SPPL3: variants seen among roughly 807,000 people sequenced by gnomAD.
SPPL3 encodes the protein signal peptide peptidase-like 3.
SPPL3 carries 5 observed loss-of-function variants against 42.4 expected under a neutral mutation model. The observed-to-expected ratio is 0.12, with a 90% CI of 0.06 to 0.25. The LOEUF is 0.25. Ranked by LOEUF, SPPL3 falls within the 10% of genes least tolerant of loss-of-function variation. SPPL3 has a pLI of 1.00. For missense variants in SPPL3, 235 were observed against 489.0 expected, an observed-to-expected ratio of 0.48 and a Z score of 4.90; for synonymous variants, 195 against 181.8, an observed-to-expected ratio of 1.07 and a Z score of -0.58.
chr12:120,771,927 G>A (rs1348761642), intron 6 of SPPL3, among the ~76,000 whole-genome samples: 1 of 152,174 alleles, frequency 6.6e-6, no homozygotes, highest in Non-Finnish European at 1.5e-5. Context: ...CCTGCCCCCG[G>A]CTCCTTCATA....
At chr12:120,768,915 C>T in intron 7 of SPPL3, 38 bp downstream of exon 7, 1 of 1,544,250 alleles carries the variant, frequency 6.5e-7, no homozygotes, top group Non-Finnish European at 8.8e-7. Context: ...CACTTCAACA[C>T]AAAGAAGGGG....
At chr12:120,780,467 T>C (rs1187137997) in intron 6 of SPPL3, among the ~76,000 whole-genome samples, 2 of 147,750 alleles carry the variant, frequency 1.4e-5, no homozygotes, top group Non-Finnish European at 3.0e-5. Context: ...CAAAAAAAGC[T>C]GGGGGAGGCC....
chr12:120,834,838 T>C (rs1239643536), intron 1 of SPPL3, among the ~76,000 whole-genome samples: 1 of 152,190 alleles, frequency 6.6e-6, no homozygotes, highest in African/African-American at 2.4e-5. Flanking sequence ...AACTATACAA[T>C]AATTAATCTT....
At chr12:120,849,222 TA>T (rs1213232599) in intron 1 of SPPL3, among the ~76,000 whole-genome samples, 1 of 151,962 alleles carries the variant, frequency 6.6e-6, no homozygotes, top group Non-Finnish European at 1.5e-5. Flanking sequence ...AAAGTAAAAC[TA>T]AACCTAAACT....
intron 3 of SPPL3, among the ~76,000 whole-genome samples, chr12:120,789,631 C>A (rs1180809896): frequency 6.6e-6 from 1 of 151,052 alleles, no homozygotes; most frequent in Non-Finnish European, 1.5e-5. Context: ...TTGAGACCAG[C>A]CTGGCCAACA....
intron 3 of SPPL3, among the ~76,000 whole-genome samples, chr12:120,789,101 C>A (rs1297486907): frequency 6.6e-6 from 1 of 152,212 alleles, no homozygotes; most frequent in African/African-American, 2.4e-5. Flanking sequence ...CTGCTCAGAG[C>A]AGGCACTGAA....
chr12:120,824,071 G>A lies in SPPL3; in HGVS notation c.24-13185C>T, dbSNP rs190337012. 5.9e-5 allele frequency among the ~76,000 whole-genome samples: 9 copies of A among 151,904 alleles called. No individual in the cohort carries two copies. In the East Asian group the frequency reaches 1.4e-3, roughly 23 times the overall value. On this transcript the variant is annotated intron_variant, in intron 1 of 10. Coordinates refer to ENST00000353487, the MANE Select transcript of SPPL3 (RefSeq NM_139015.5). ...ATTTTTAGTAGAGATGGGGTTTCAC[G>A]GTGTTAGCCAGGATGGTCTCGATCT...
intron 1 of SPPL3, among the ~76,000 whole-genome samples, chr12:120,869,365 C>A (rs1180111162): frequency 3.9e-5 from 6 of 152,186 alleles, no homozygotes; most frequent in Admixed American, 3.9e-4. Flanking sequence ...TGTAGTTTAT[C>A]ATGTAAAAAA....
chr12:120,892,443 A>C (rs1404249911), intron 1 of SPPL3, among the ~76,000 whole-genome samples: 7 of 152,148 alleles, frequency 4.6e-5, no homozygotes, highest in Non-Finnish European at 1.0e-4. Flanking sequence ...TTGCAGTCAG[A>C]CCTTGAAAAA....
In SPPL3 at chr12:120,790,869, C is replaced by T. The variant is rs548294958; in HGVS notation, c.190+600G>A. The stretch of plus-strand genomic sequence containing the variant: ...CGGAGTTTCGCTCTTGTTGCCCAGG[C>T]TGGAGTGCAATGGCACGATCTCGGC... On this transcript the variant is annotated intron_variant, in intron 3 of 10. Coordinates refer to ENST00000353487, the MANE Select transcript of SPPL3 (RefSeq NM_139015.5). Among the ~76,000 whole-genome samples, 7 of 151,070 alleles carry T rather than the reference C, an allele frequency of 4.6e-5. No individual in the cohort carries two copies. The South Asian group carries it at 1.5e-3, about 31-fold the overall frequency.
At chr12:120,898,980 C>T (rs1873890990) in intron 1 of SPPL3, among the ~76,000 whole-genome samples, 1 of 152,174 alleles carries the variant, frequency 6.6e-6, no homozygotes, top group African/African-American at 2.4e-5. Flanking sequence ...CCACATTTTG[C>T]TTCATCAAGA....
intron 1 of SPPL3, among the ~76,000 whole-genome samples, chr12:120,847,255 G>T (rs1273820807): frequency 6.6e-6 from 1 of 151,892 alleles, no homozygotes; most frequent in African/African-American, 2.4e-5. Context: ...CGTCTCTTTG[G>T]GGAAGGTGGA....
chr12:120,820,694 C>T (rs201917489), intron 1 of SPPL3, among the ~76,000 whole-genome samples: 1 of 151,896 alleles, frequency 6.6e-6, no homozygotes, highest in Admixed American at 6.6e-5. Flanking sequence ...AAGGAAAAAA[C>T]CAAATATGTA....
chr12:120,778,033 T>G (rs1316780357), intron 6 of SPPL3, among the ~76,000 whole-genome samples: 8 of 151,438 alleles, frequency 5.3e-5, no homozygotes, highest in African/African-American at 1.9e-4. Flanking sequence ...ATTGAATAAC[T>G]ACTATGAAAA....
intron 6 of SPPL3, among the ~76,000 whole-genome samples, chr12:120,777,639 A>G (rs953209205): frequency 3.9e-5 from 6 of 152,162 alleles, no homozygotes; most frequent in Non-Finnish European, 4.4e-5. Flanking sequence ...TATTACTTTG[A>G]ATGCAATGTC....
chr12:120,882,084 G>A (rs1873303365), intron 1 of SPPL3, among the ~76,000 whole-genome samples: 2 of 152,060 alleles, frequency 1.3e-5, no homozygotes, highest in African/African-American at 4.8e-5. Context: ...GAAGTCTCAT[G>A]CCATCCTGCT....
intron 2 of SPPL3, among the ~76,000 whole-genome samples, chr12:120,801,543 C>A (rs1870296587): frequency 6.6e-6 from 1 of 152,100 alleles, no homozygotes; most frequent in Admixed American, 6.6e-5. Context: ...TCAGGGGGCA[C>A]AGAGGAAGTT....
At chr12:120,782,551 TA>T in intron 6 of SPPL3, 103 bp downstream of exon 6, 1 of 912,440 alleles carries the variant, frequency 1.1e-6, no homozygotes, top group Non-Finnish European at 1.6e-6. Flanking sequence ...GAAAATGCTC[TA>T]AAAGTTTATT....
chr12:120,889,073 G>T (rs1179939), intron 1 of SPPL3, among the ~76,000 whole-genome samples: 1 of 151,754 alleles, frequency 6.6e-6, no homozygotes, highest in East Asian at 1.9e-4. Context: ...CTCAGCCTCC[G>T]GAAATGCTGA....
Sources: gnomAD v4.1 joint callset for allele counts (sites outside exome capture counted in the v4.1 genomes callset) on GRCh38, gnomAD v4.1.1 for gene constraint, MANE v1.5 for transcripts, NCBI Gene and HGNC (gene_info 2026-07-23, HGNC 2026-07-21) for gene names.